The following EDNRA variants were observed in gnomAD, a reference collection of about 807,000 sequenced individuals.
EDNRA encodes endothelin receptor type A, also known as endothelin-1 receptor.
In EDNRA, 11 loss-of-function variants were observed where a neutral mutation model predicts 41.4. That is an observed-to-expected ratio of 0.27 (90% CI 0.17 to 0.44). The LOEUF (loss-of-function observed/expected upper bound fraction) is 0.44, where lower values mean the gene tolerates loss of function less well. EDNRA is among the 20% of genes least tolerant of loss of function. The pLI is 1.00. For missense variants in EDNRA, 294 were observed against 531.0 expected (o/e 0.55, Z 4.39); for synonymous variants, 172 against 183.0 (o/e 0.94, Z 0.49).
intron 1 of EDNRA, among the ~76,000 whole-genome samples, chr4:147,483,540 A>G (rs2126364180): frequency 6.6e-6 from 1 of 152,298 alleles, no homozygotes; most frequent in East Asian, 1.9e-4. Flanking sequence ...CAATACTCGC[A>G]CTTTATATAT....
chr4:147,508,624 T>C (rs1386841320), intron 2 of EDNRA, among the ~76,000 whole-genome samples: 1 of 152,242 alleles, frequency 6.6e-6, no homozygotes. Flanking sequence ...CTTTTCTGGC[T>C]AAATTTTTGT....
chr4:147,516,447 G>C (rs1274446744), intron 2 of EDNRA, among the ~76,000 whole-genome samples: 1 of 152,200 alleles, frequency 6.6e-6, no homozygotes, highest in Non-Finnish European at 1.5e-5. Flanking sequence ...CAAAGTGAAT[G>C]TGTTTTCAGG....
chr4:147,538,448 A>T (rs2126484826), intron 5 of EDNRA, among the ~76,000 whole-genome samples: 1 of 152,356 alleles, frequency 6.6e-6, no homozygotes, highest in East Asian at 1.9e-4. Context: ...TAAGGAAGAC[A>T]GGAGAATGGA....
rs532825544 is a variant in EDNRA, at chr4:147,519,418, G to A, written c.421-433G>A. On this transcript the variant is annotated intron_variant, in intron 2 of 7. Coordinates refer to ENST00000651419, the MANE Select transcript of EDNRA (RefSeq NM_001957.4). The surrounding 1 kb of genome is among the most constrained non-coding windows in gnomAD (Gnocchi z 4.1). ...ATAAAAAACCACTGTCGGCTTCTCA[G>A]TTGAGCTGTCTCCCAAAATCCCAAA... is the stretch of plus-strand genomic sequence containing the variant. 6.6e-6 allele frequency among the ~76,000 whole-genome samples: 1 copy of A among 152,174 alleles called. No homozygotes were observed. The highest frequency in any genetic ancestry group is 1.5e-5 in the Non-Finnish European group (1 of 67,996).
chr4:147,539,292 C>T (rs541103338), intron 5 of EDNRA, among the ~76,000 whole-genome samples: 1 of 152,100 alleles, frequency 6.6e-6, no homozygotes, highest in South Asian at 2.1e-4. Context: ...TCCTTTTCTA[C>T]TCCCCACTCC....
In EDNRA at chr4:147,535,912, G is replaced by C. The variant is rs573639201; in HGVS notation, c.783G>C (p.Gly261=). The part of the protein sequence containing the change: ...YQDVKDWWLF[G]FYFCMPLVCT... ...ATGTAAAGGACTGGTGGCTCTTCGG[G>C]TTCTATTTCTGTATGCCCTTGGTGT... The change falls in exon 5 of 8, where the codon GGG becomes GGC. Residue 261 remains glycine, a synonymous_variant. Transcript: ENST00000651419. 1 of 1,613,474 alleles carries C rather than the reference G, an allele frequency of 6.2e-7. No homozygotes were observed. Among genetic ancestry groups the C allele is most frequent in the African/African-American group, 1.3e-5 (1 of 74,898 alleles).
At chr4:147,497,242 T>A (rs910686078) in intron 2 of EDNRA, among the ~76,000 whole-genome samples, 23 of 144,394 alleles carry the variant, frequency 1.6e-4, no homozygotes, top group African/African-American at 5.9e-4. Flanking sequence ...AGTAATCCTC[T>A]CATCTCAGCC....
Position 147,517,354 on chromosome 4 carries a change from C to T in EDNRA, c.421-2497C>T, listed in dbSNP as rs1187227496. Among the ~76,000 whole-genome samples the T allele has an allele frequency of 3.3e-5, 5 of 152,132 alleles. No individual in the cohort carries two copies. The East Asian group carries it at 9.6e-4, about 29-fold the overall frequency. On this transcript the variant is annotated intron_variant, in intron 2 of 7. Transcript: ENST00000651419. The stretch of plus-strand genomic sequence containing the variant: ...AGGACACTTTGAATGTAGGACTGCT[C>T]CAACACTGGTTCCATGGAAGAGATT...
intron 6 of EDNRA, 108 bp from the exon 7 acceptor site, chr4:147,540,269 C>T (rs1273141770): frequency 3.1e-6 from 3 of 965,956 alleles, no homozygotes; most frequent in Non-Finnish European, 1.5e-6. Flanking sequence ...GCCACCCATA[C>T]GAAATGGCTT....
intron 2 of EDNRA, among the ~76,000 whole-genome samples, chr4:147,504,477 T>C (rs1299258038): frequency 6.6e-6 from 1 of 152,196 alleles, no homozygotes; most frequent in Non-Finnish European, 1.5e-5. Flanking sequence ...ACCAATCCTT[T>C]GTCACGTGGA....
intron 2 of EDNRA, among the ~76,000 whole-genome samples, chr4:147,497,149 CTTTTTTTTTTTTTTTTT>C (rs11330586): frequency 1.3e-5 from 1 of 75,030 alleles, no homozygotes; most frequent in Non-Finnish European, 2.6e-5. Flanking sequence ...TAGAATTCTT[CTTTTTTTTTTTTTTTTT>C]TTTTTTTTTG....
rs139825401 is a variant in EDNRA, at chr4:147,498,120, C to T, written c.420+12019C>T. ...AAGAAATTTTATTTATGAAAACCCA[C>T]TGACCACATATGAAATGGAATCATC... On this transcript the variant is annotated intron_variant, in intron 2 of 7. Transcript: ENST00000651419. Among the ~76,000 whole-genome samples, 586 of 152,350 alleles carry T rather than the reference C, an allele frequency of 3.8e-3. 4 individuals are homozygous for T. The highest frequency in any genetic ancestry group is 0.013 in the African/African-American group (555 of 41,586).
chr4:147,484,243 C>G (rs1578769500), intron 1 of EDNRA, among the ~76,000 whole-genome samples: 1 of 152,170 alleles, frequency 6.6e-6, no homozygotes, highest in African/African-American at 2.4e-5. Flanking sequence ...GGACCACTTG[C>G]TCTCTGCAAG....
chr4:147,537,658 G>A (rs762873106), intron 5 of EDNRA, among the ~76,000 whole-genome samples: 3 of 152,076 alleles, frequency 2.0e-5, no homozygotes, highest in Non-Finnish European at 2.9e-5. Context: ...CATTTTTTAA[G>A]TTTTTAAAGT....
At chr4:147,497,644 T>C (rs1372692311) in intron 2 of EDNRA, among the ~76,000 whole-genome samples, 1 of 151,982 alleles carries the variant, frequency 6.6e-6, no homozygotes, top group Non-Finnish European at 1.5e-5. Context: ...CGATCTTGGC[T>C]CACTACAAGC....
At chr4:147,531,830 C>T (rs933515483) in intron 3 of EDNRA, 1 of 152,578 alleles carries the variant, frequency 6.6e-6, no homozygotes, top group East Asian at 1.9e-4. Context: ...CACGGTGAAA[C>T]CCCATCTCTA....
chr4:147,513,763 G>A (rs1265087347), intron 2 of EDNRA, among the ~76,000 whole-genome samples: 1 of 152,218 alleles, frequency 6.6e-6, no homozygotes, highest in Non-Finnish European at 1.5e-5. Context: ...ATTACAGACT[G>A]TATTTGTAAA....
intron 2 of EDNRA, chr4:147,495,136 A>G (rs1729263254): frequency 6.6e-6 from 1 of 152,206 alleles, no homozygotes; most frequent in African/African-American, 2.4e-5. Context: ...CTGAATGATA[A>G]TATGAAAAAA....
chr4:147,485,364 G>A lies in EDNRA; in HGVS notation c.-70-248G>A, dbSNP rs1356349. On this transcript the variant is annotated intron_variant, in intron 1 of 7. Transcript: ENST00000651419. ...CGGAAATGGAGACAGAGACAGAGACGGAGATGACAGAGATGATGGAGATGA... is the reference window on the plus strand; with the variant it reads ...CGGAAATGGAGACAGAGACAGAGACAGAGATGACAGAGATGATGGAGATGA... Among the ~76,000 whole-genome samples the A allele has an allele frequency of 5.3e-3, 812 of 152,244 alleles. 5 individuals carry two copies. Among genetic ancestry groups the A allele is most frequent in the African/African-American group, 0.017 (724 of 41,546 alleles).
Sources: gnomAD v4.1 joint callset for allele counts (sites outside exome capture counted in the v4.1 genomes callset) on GRCh38, gnomAD v4.1.1 for gene constraint, Gnocchi (gnomAD v3.1) non-coding constraint, MANE v1.5 for transcripts, NCBI Gene and HGNC (gene_info 2026-07-23, HGNC 2026-07-21) for gene names.